CAMSAP2: variants seen among roughly 807,000 people sequenced by gnomAD.
CAMSAP2 encodes calmodulin-regulated spectrin-associated protein 2.
CAMSAP2 carries 26 observed loss-of-function variants against 146.1 expected under a neutral mutation model. The ratio of observed to expected loss-of-function variants is 0.18; its 90% CI spans 0.13 to 0.25. CAMSAP2 has a LOEUF of 0.25. Among genes scored for constraint, CAMSAP2 ranks in the 10% least tolerant of loss-of-function variants. The probability of loss-of-function intolerance (pLI) is 1.00; values close to 1 mark genes in which losing one functional copy is unlikely to be tolerated. For synonymous variants in CAMSAP2, 499 were observed against 596.6 expected, an observed-to-expected ratio of 0.84 and a Z score of 2.38; for missense variants, 1,381 against 1,759.3, an observed-to-expected ratio of 0.78 and a Z score of 3.85.
intron 7 of CAMSAP2, among the ~76,000 whole-genome samples, 165 bp from the exon 8 acceptor site, chr1:200,844,617 A>G (rs1667413956): frequency 6.6e-6 from 1 of 152,202 alleles, no homozygotes; most frequent in African/African-American, 2.4e-5. Flanking sequence ...TCTTAAAGAA[A>G]CTTGACCCTT....
chr1:200,765,168 T>G (rs538776748), intron 2 of CAMSAP2, among the ~76,000 whole-genome samples: 30 of 152,172 alleles, frequency 2.0e-4, no homozygotes, highest in Admixed American at 1.2e-3. Context: ...TCTCTCAATC[T>G]CCACCCCAAA....
At chr1:200,844,991 T>A in intron 8 of CAMSAP2, 122 bp downstream of exon 8, 1 of 505,888 alleles carries the variant, frequency 2.0e-6, no homozygotes, top group Non-Finnish European at 3.4e-6. Flanking sequence ...ACTGTTATAA[T>A]TAGCTTACCC....
rs1048026257 is a variant in CAMSAP2 at position 200,853,030 on chromosome 1, C to T, written c.3603-245C>T. 3.4e-5 allele frequency among the ~76,000 whole-genome samples: 5 copies of T among 147,498 alleles called. No homozygotes were observed. Among genetic ancestry groups the T allele is most frequent in the African/African-American group, 5.0e-5 (2 of 40,130 alleles). On this transcript the variant is annotated intron_variant, in intron 12 of 16. Coordinates refer to ENST00000358823, the MANE Select transcript of CAMSAP2 (RefSeq NM_203459.4). The surrounding 1 kb of genome is among the most constrained non-coding windows in gnomAD (Gnocchi z 5.1). ...ACACACACACACACACACACACACA[C>T]GACCTAAATTATCTCAAATACCTTT...
chr1:200,817,274 A>ATGTGTGTG (rs1666627119), intron 4 of CAMSAP2, among the ~76,000 whole-genome samples: 21 of 149,252 alleles, frequency 1.4e-4, no homozygotes, highest in Non-Finnish European at 2.2e-4. Context: ...ACACACATAT[A>ATGTGTGTG]TATATATTTT....
At chr1:200,791,060 G>C (rs191188985) in intron 2 of CAMSAP2, among the ~76,000 whole-genome samples, 1 of 152,094 alleles carries the variant, frequency 6.6e-6, no homozygotes, top group African/African-American at 2.4e-5. Context: ...GGTCAGGCTG[G>C]TCTCGAATCC....
chr1:200,817,800 G>A (rs1666647488), intron 4 of CAMSAP2, among the ~76,000 whole-genome samples: 1 of 152,152 alleles, frequency 6.6e-6, no homozygotes, highest in South Asian at 2.1e-4. Context: ...TTAACTGACT[G>A]GCTCCTGAAA....
intron 11 of CAMSAP2, 110 bp downstream of exon 11, chr1:200,850,344 T>G: frequency 2.2e-6 from 2 of 891,014 alleles, no homozygotes; most frequent in Non-Finnish European, 3.4e-6. Flanking sequence ...GCAGTCCCTT[T>G]TGATACAAGT....
intron 2 of CAMSAP2, among the ~76,000 whole-genome samples, chr1:200,776,703 A>G (rs1335296777): frequency 2.6e-5 from 4 of 152,168 alleles, no homozygotes; most frequent in Non-Finnish European, 4.4e-5. Context: ...CAGCCTGGGC[A>G]ACAGAGTGAG....
At chr1:200,840,831 T>C (rs1040585153) in intron 6 of CAMSAP2, among the ~76,000 whole-genome samples, 1 of 152,194 alleles carries the variant, frequency 6.6e-6, no homozygotes, top group Non-Finnish European at 1.5e-5. Flanking sequence ...ACTATTTTAT[T>C]AAATGCCAAA....
rs1261976760 is a variant in CAMSAP2 at position 200,848,086 on chromosome 1, A to T, written c.1317A>T (p.Val439=). ...FDISFDKEDS[V]QRSTPNRGIT... is the part of the protein sequence containing the mutation. ...TTTCTTTTGATAAAGAAGATAGTGTACAGAGATCCACTCCAAACCGAGGAA... is the reference window on the plus strand; with the variant it reads ...TTTCTTTTGATAAAGAAGATAGTGTTCAGAGATCCACTCCAAACCGAGGAA... The change falls in exon 11 of 17, where the codon GTA becomes GTT. Residue 439 remains valine, a synonymous_variant. Transcript: ENST00000358823. The T allele has an allele frequency of 1.2e-6, 2 of 1,602,604 alleles. No individual in the cohort carries two copies. The highest frequency in any genetic ancestry group is 2.2e-5 in the South Asian group (2 of 89,580).
At chr1:200,781,964 A>G (rs1256914266) in intron 2 of CAMSAP2, among the ~76,000 whole-genome samples, 5 of 152,284 alleles carry the variant, frequency 3.3e-5, no homozygotes, top group East Asian at 3.9e-4. Context: ...TTCCTAATTT[A>G]TTTCCTTTAA....
intron 2 of CAMSAP2, among the ~76,000 whole-genome samples, chr1:200,782,841 A>C (rs1012676000): frequency 3.2e-5 from 4 of 125,428 alleles, no homozygotes; most frequent in African/African-American, 1.3e-4. Flanking sequence ...TCCAGGCTAG[A>C]GTACAGTGGC....
At position 200,763,886 on chromosome 1, in the gene CAMSAP2, C is replaced by T. The variant is rs191846601; in HGVS notation, c.399+2788C>T. Among the ~76,000 whole-genome samples, 21 of 151,956 alleles carry T rather than the reference C, an allele frequency of 1.4e-4. No individual in the cohort carries two copies. In the East Asian group the frequency reaches 3.1e-3, roughly 23 times the overall value. On this transcript the variant is annotated intron_variant, in intron 2 of 16. Transcript: ENST00000358823. ...GCTAGGAGTTTGAGACCAGCCTAGC[C>T]AACATGGCGAAACCCCATCTCTACT...
At chr1:200,772,375 G>A (rs549451219) in intron 2 of CAMSAP2, among the ~76,000 whole-genome samples, 1 of 152,306 alleles carries the variant, frequency 6.6e-6, no homozygotes, top group East Asian at 1.9e-4. Flanking sequence ...TTGGGAGGCT[G>A]AGATGGGTGG....
At chr1:200,775,095 C>A (rs775431555) in intron 2 of CAMSAP2, among the ~76,000 whole-genome samples, 14 of 152,196 alleles carry the variant, frequency 9.2e-5, no homozygotes, top group Non-Finnish European at 1.5e-4. Flanking sequence ...AGGAGTGGAA[C>A]AGGCTCTTTT....
chr1:200,752,777 C>T lies in CAMSAP2; in HGVS notation c.140-8062C>T, dbSNP rs567320818. On this transcript the variant is annotated intron_variant, in intron 1 of 16. Transcript: ENST00000358823. ...GACTACAGGTGCCCGCCACCACGCA[C>T]GGCTAATTTTTTGTATTTTATAGTA... Among the ~76,000 whole-genome samples the T allele has an allele frequency of 2.5e-3, 385 of 152,080 alleles. 13 individuals carry two copies. Among genetic ancestry groups the T allele is most frequent in the Middle Eastern group, 3.4e-3 (1 of 292 alleles).
At position 200,816,926 on chromosome 1, in the gene CAMSAP2, ACACACACGCGTGTG is replaced by A. The variant is rs1666558150; in HGVS notation, c.645+1283_645+1296del. ...CACACACGCGTGTGTATGTGTGTACACACACACGCGTGTGTATGTGTGTACACACACACGCGTGT... is the reference window on the plus strand; with the variant it reads ...CACACACGCGTGTGTATGTGTGTACATATGTGTGTACACACACACGCGTGT... On this transcript the variant is annotated intron_variant, in intron 4 of 16. Coordinates refer to ENST00000358823, the MANE Select transcript of CAMSAP2 (RefSeq NM_203459.4). Among the ~76,000 whole-genome samples the A allele has an allele frequency of 6.6e-5, 4 of 60,760 alleles. 1 individual carries two copies. Among genetic ancestry groups the A allele is most frequent in the Admixed American group, 3.1e-4 (2 of 6,532 alleles). The allele number at this position is 60,760 out of a possible 152,430, so 39.9% of individuals were successfully genotyped here.
At chr1:200,854,709 A>G (rs770863756) in intron 13 of CAMSAP2, 108 bp from the exon 14 acceptor site, 3 of 684,908 alleles carry the variant, frequency 4.4e-6, no homozygotes, top group African/African-American at 1.8e-5. Context: ...CAGAAGCTCA[A>G]TTTTTATATG....
intron 2 of CAMSAP2, among the ~76,000 whole-genome samples, chr1:200,783,276 C>T (rs1322282685): frequency 6.6e-6 from 1 of 152,082 alleles, no homozygotes; most frequent in Non-Finnish European, 1.5e-5. Context: ...TTTTGCATTT[C>T]CCTGAGGACT....
Sources: allele counts gnomAD v4.1 joint callset (sites outside exome capture counted in the v4.1 genomes callset), GRCh38; gene constraint gnomAD v4.1.1; non-coding constraint Gnocchi (gnomAD v3.1); transcripts MANE v1.5; gene names NCBI Gene and HGNC (gene_info 2026-07-23, HGNC 2026-07-21).